Variants in COL27A1 observed in about 807,000 individuals in gnomAD.
COL27A1 encodes collagen type XXVII alpha 1 chain.
A neutral mutation model predicts 251.3 loss-of-function variants in COL27A1; 106 were observed. The observed-to-expected ratio is 0.42, with a 90% CI of 0.36 to 0.50. The LOEUF (loss-of-function observed/expected upper bound fraction) is 0.50, where lower values mean the gene tolerates loss of function less well. COL27A1 is among the 20% of genes least tolerant of loss of function. COL27A1 has a pLI of 0.00. For synonymous variants in COL27A1, 1,000 were observed against 986.3 expected (o/e 1.01, Z -0.26); for missense variants, 2,325 against 2,522.8 (o/e 0.92, Z 1.68).
At chr9:114,222,184 A>T (rs1157940461) in intron 13 of COL27A1, 39 bp from the exon 14 acceptor site, 3 of 1,602,422 alleles carry the variant, frequency 1.9e-6, no homozygotes, top group Admixed American at 3.3e-5. Flanking sequence ...CTGGAGGGAG[A>T]TGGGACAAGT....
At position 114,307,518 on chromosome 9, in the gene COL27A1, C is replaced by T. The variant is rs113123240; in HGVS notation, c.5108-151C>T. The stretch of plus-strand genomic sequence containing the variant: ...CTGCCCAGAAGGTTTCCTTCCATCT[C>T]GGTTGGAGGAATCCCTTTTCTGCTC... On this transcript the variant is annotated intron_variant, in intron 58 of 60. Transcript: ENST00000356083. The T allele has an allele frequency of 5.8e-5, 37 of 640,116 alleles. No homozygotes were observed. In the African/African-American group the frequency reaches 5.8e-4, roughly 10 times the overall value. 39.7% of individuals were successfully genotyped at this position (640,116 alleles called of 1,614,324 possible).
In COL27A1 at chr9:114,169,131, C is replaced by T. The variant is rs1465281077; in HGVS notation, c.1576C>T (p.Pro526Ser). Reference sequence around the variant, plus strand: ...CAGAACAGCACCTGCCGTCCCCACTCCTGGCTCAGCTCCCACTGGAAGCAA... The same window carrying T: ...CAGAACAGCACCTGCCGTCCCCACTTCTGGCTCAGCTCCCACTGGAAGCAA... ...TPRTAPAVPT[P>S]GSAPTGSKKP... is the part of the protein sequence containing the mutation. The change falls in exon 3 of 61, where the codon CCT becomes TCT. Residue 526 changes from proline to serine, a missense_variant. By Grantham distance (74) the Pro-to-Ser change is moderately conservative. Coordinates refer to ENST00000356083, the MANE Select transcript of COL27A1 (RefSeq NM_032888.4). 10 of 1,614,054 alleles carry T rather than the reference C, an allele frequency of 6.2e-6. No homozygotes were observed. The highest frequency in any genetic ancestry group is 2.2e-5 in the East Asian group (1 of 44,886).
intron 27 of COL27A1, 29 bp downstream of exon 27, chr9:114,252,961 T>C (rs1347305714): frequency 6.3e-7 from 1 of 1,590,924 alleles, no homozygotes; most frequent in Non-Finnish European, 8.6e-7. Context: ...ATCCCTAAGC[T>C]CAAACCACTG....
chr9:114,263,051 A>G (rs1834464860), intron 28 of COL27A1, among the ~76,000 whole-genome samples: 2 of 143,114 alleles, frequency 1.4e-5, no homozygotes, highest in East Asian at 2.1e-4. Context: ...CAATTCTCCT[A>G]CTTCAGCCGC....
At chr9:114,232,430 C>T (rs1163633420) in intron 16 of COL27A1, among the ~76,000 whole-genome samples, 4 of 152,204 alleles carry the variant, frequency 2.6e-5, no homozygotes, top group Non-Finnish European at 4.4e-5. Context: ...GGAAGACAGG[C>T]CCTGGGGGCC....
At chr9:114,165,048 G>A (rs1020071348) in intron 2 of COL27A1, among the ~76,000 whole-genome samples, 5 of 152,222 alleles carry the variant, frequency 3.3e-5, no homozygotes, top group Non-Finnish European at 7.3e-5. Context: ...CTTAAGCAGA[G>A]TTACTCAATG....
At position 114,240,457 on chromosome 9, in the gene COL27A1, G is replaced by A. The variant is rs2135475310; in HGVS notation, c.2805G>A (p.Leu935=). The change falls in exon 21 of 61, where the codon CTG becomes CTA. Residue 935 remains leucine (L), a synonymous_variant. Transcript: ENST00000356083. The stretch of plus-strand genomic sequence containing the variant: ...AGGGTAAGCCTGGAGCCCGAGGCCT[G>A]CCGGGACCCCGTGGGCAGCTGGGGC... The part of the protein sequence containing the change: ...GMKGKPGARG[L]PGPRGQLGPE... The A allele has an allele frequency of 1.9e-6, 3 of 1,612,834 alleles. No individual in the cohort carries two copies. The highest frequency in any genetic ancestry group is 1.7e-5 in the Admixed American group (1 of 59,990).
chr9:114,288,599 G>T, intron 42 of COL27A1, 88 bp downstream of exon 42: 27 of 1,537,866 alleles, frequency 1.8e-5, no homozygotes, highest in Non-Finnish European at 2.4e-5. Context: ...CCGATCAGGG[G>T]CCAGGTCCCT....
At chr9:114,310,274 T>G (rs1254044688) in intron 60 of COL27A1, among the ~76,000 whole-genome samples, 1 of 152,182 alleles carries the variant, frequency 6.6e-6, no homozygotes, top group African/African-American at 2.4e-5. Flanking sequence ...GAGATGTACT[T>G]GTTTTTTGGT....
chr9:114,173,982 ATTT>A (rs35701083), intron 3 of COL27A1, among the ~76,000 whole-genome samples: 2 of 145,428 alleles, frequency 1.4e-5, no homozygotes, highest in Non-Finnish European at 3.0e-5. Context: ...GACTGCCCCC[ATTT>A]TTTTTTTTTT....
rs527788103 is a variant in COL27A1 at position 114,156,662 on chromosome 9, C to T, written c.62+650C>T. 2.6e-5 allele frequency among the ~76,000 whole-genome samples: 4 copies of T among 152,120 alleles called. No homozygotes were observed. In the South Asian group the frequency reaches 8.3e-4, roughly 32 times the overall value. ...GCCAGCATGTCAGAGCAGAAAGGGC[C>T]CTGGGCGATCACTGTGCGGAACCCC... On this transcript the variant is annotated intron_variant, in intron 1 of 60. Transcript: ENST00000356083.
chr9:114,235,410 A>G (rs1832304334), intron 16 of COL27A1, among the ~76,000 whole-genome samples, 189 bp from the exon 17 acceptor site: 1 of 152,172 alleles, frequency 6.6e-6, no homozygotes, highest in Admixed American at 6.5e-5. Flanking sequence ...CACATTGGCC[A>G]GCTCACCCCC....
intron 5 of COL27A1, among the ~76,000 whole-genome samples, chr9:114,185,714 C>T (rs578078576): frequency 1.4e-4 from 22 of 152,362 alleles, no homozygotes; most frequent in African/African-American, 4.8e-4. Flanking sequence ...TGGGGCCACA[C>T]ATCCATTCAT....
In COL27A1 at chr9:114,235,194, C is replaced by T. The variant is rs552825645; in HGVS notation, c.2566-405C>T. Among the ~76,000 whole-genome samples, 8 of 152,278 alleles carry T rather than the reference C, an allele frequency of 5.3e-5. No individual in the cohort carries two copies. The East Asian group carries it at 9.6e-4, about 18-fold the overall frequency. ...AAAAATTGAGCAGACACAAACGCTC[C>T]GAAACCACGTTGGTGTGGGGGCCCT... is the stretch of plus-strand genomic sequence containing the variant. On this transcript the variant is annotated intron_variant, in intron 16 of 60. Transcript: ENST00000356083.
Position 114,290,328 on chromosome 9 carries a change from G to C in COL27A1, c.4365G>C (p.Gln1455His), listed in dbSNP as rs1391878719. The C allele has an allele frequency of 6.4e-7, 1 of 1,573,536 alleles. No homozygotes were observed. Among genetic ancestry groups the C allele is most frequent in the Non-Finnish European group, 8.6e-7 (1 of 1,159,264 alleles). Residue 1455 changes from glutamine (Q) to histidine (H), a missense_variant, in exon 47 of 61, where the codon CAG becomes CAC. By Grantham distance (24) the Gln-to-His change is conservative. This residue lies in a region of COL27A1 where 153 missense variants were observed against 140.7 expected (regional missense o/e 1.09). Transcript: ENST00000356083. The surrounding 1 kb of genome is among the most constrained non-coding windows in gnomAD (Gnocchi z 4.6). Reference protein sequence around the residue: ...GLPGRDGQAGQQGEQGDDGDP... With the variant: ...GLPGRDGQAGHQGEQGDDGDP... Reference sequence around the variant, plus strand: ...CTGGCAGGGACGGGCAAGCAGGACAGCAGGTGAGCGGGAATTGGCATTAAC... The same window carrying C: ...CTGGCAGGGACGGGCAAGCAGGACACCAGGTGAGCGGGAATTGGCATTAAC...
intron 4 of COL27A1, among the ~76,000 whole-genome samples, chr9:114,179,455 C>G (rs755318264): frequency 2.0e-4 from 31 of 152,242 alleles, no homozygotes; most frequent in Non-Finnish European, 3.8e-4. Flanking sequence ...TCCTGAGCCC[C>G]CAAGCCTCTG....
At chr9:114,260,128 C>G (rs1834214051) in intron 28 of COL27A1, among the ~76,000 whole-genome samples, 1 of 152,136 alleles carries the variant, frequency 6.6e-6, no homozygotes, top group African/African-American at 2.4e-5. Flanking sequence ...GGCCCCCTGC[C>G]CTGCCTCAGG....
intron 15 of COL27A1, 74 bp downstream of exon 15, chr9:114,231,206 A>G: frequency 1.4e-6 from 2 of 1,388,756 alleles, no homozygotes; most frequent in Non-Finnish European, 2.0e-6. Context: ...GCCCAGAAGG[A>G]AGGGTGACCT....
At chr9:114,220,005 G>T (rs558949075) in intron 13 of COL27A1, among the ~76,000 whole-genome samples, 161 bp downstream of exon 13, 1 of 152,050 alleles carries the variant, frequency 6.6e-6, no homozygotes, top group Non-Finnish European at 1.5e-5. Flanking sequence ...GTCTCTAAAC[G>T]CTAGGCTCCT....
Sources: gnomAD v4.1 joint callset for allele counts (sites outside exome capture counted in the v4.1 genomes callset) on GRCh38, gnomAD v4.1.1 for gene constraint, gnomAD v4.1.1 regional missense constraint, Gnocchi (gnomAD v3.1) non-coding constraint, MANE v1.5 for transcripts, NCBI Gene and HGNC (gene_info 2026-07-23, HGNC 2026-07-21) for gene names.